Variants in CSMD1 observed in about 807,000 individuals in gnomAD.
CSMD1 encodes CUB and sushi domain-containing protein 1.
In CSMD1, 213 loss-of-function variants were observed where a neutral mutation model predicts 417.5. That is an observed-to-expected ratio of 0.51 (90% confidence interval 0.46 to 0.57). The LOEUF (loss-of-function observed/expected upper bound fraction) is 0.57, where lower values mean the gene tolerates loss of function less well. CSMD1 is among the 20% of genes least tolerant of loss of function. The pLI is 0.00. For missense variants in CSMD1, 6,923 were observed against 4,529.7 expected (o/e 1.53, Z -15.17); for synonymous variants, 2,862 against 1,736.8 (o/e 1.65, Z -16.11).
rs572326883 is a variant in CSMD1 at position 3,604,227 on chromosome 8, G to T, written c.1097+12483C>A. Reference sequence around the variant, plus strand: ...GAATTATGCTTAGTGAAATCAAATTGGAAGCATAGACGTGCATAGAATTTC... The same window carrying T: ...GAATTATGCTTAGTGAAATCAAATTTGAAGCATAGACGTGCATAGAATTTC... On this transcript the variant is annotated intron_variant, in intron 8 of 69. Transcript: ENST00000635120. 9.9e-5 allele frequency among the ~76,000 whole-genome samples: 15 copies of T among 152,212 alleles called. No individual in the cohort carries two copies. The East Asian group carries it at 2.9e-3, about 29-fold the overall frequency.
In CSMD1 at chr8:4,444,927, T is replaced by C. The variant is rs184093427; in HGVS notation, c.303-24862A>G. The stretch of plus-strand genomic sequence containing the variant: ...TCCAGGTCTTACATATTTGCTCCCT[T>C]CTTCATTTACATAAAATAACTGGGA... On this transcript the variant is annotated intron_variant, in intron 2 of 69. Transcript: ENST00000635120. Among the ~76,000 whole-genome samples the C allele has an allele frequency of 1.8e-3, 270 of 152,298 alleles. 1 individual carries two copies. The highest frequency in any genetic ancestry group is 6.3e-3 in the African/African-American group (263 of 41,558).
chr8:4,301,001 C>T (rs769733309), intron 3 of CSMD1, among the ~76,000 whole-genome samples: 7 of 152,042 alleles, frequency 4.6e-5, no homozygotes, highest in Non-Finnish European at 7.4e-5. Flanking sequence ...CATAAGTGTG[C>T]ATGTGTCTTT....
At chr8:4,611,622 C>G (rs1319104157) in intron 2 of CSMD1, among the ~76,000 whole-genome samples, 2 of 152,180 alleles carry the variant, frequency 1.3e-5, no homozygotes, top group Non-Finnish European at 2.9e-5. Context: ...TCTTTAACCT[C>G]CTATAAATGT....
intron 10 of CSMD1, among the ~76,000 whole-genome samples, chr8:3,552,382 G>A (rs912677862): frequency 2.0e-5 from 3 of 151,916 alleles, no homozygotes; most frequent in African/African-American, 7.3e-5. Context: ...ATGACATTTT[G>A]TAAGCATTAC....
chr8:3,562,062 G>A (rs1799489642), intron 10 of CSMD1, among the ~76,000 whole-genome samples: 1 of 151,862 alleles, frequency 6.6e-6, no homozygotes, highest in Admixed American at 6.6e-5. Flanking sequence ...ACACTCTGCA[G>A]GTTTAGAGTA....
intron 11 of CSMD1, among the ~76,000 whole-genome samples, chr8:3,484,104 T>A (rs1204598816): frequency 6.6e-6 from 1 of 152,214 alleles, no homozygotes; most frequent in African/African-American, 2.4e-5. Flanking sequence ...CTTATATAGA[T>A]TGGCACCTGC....
intron 1 of CSMD1, among the ~76,000 whole-genome samples, chr8:4,784,262 G>T (rs1797294347): frequency 6.6e-6 from 1 of 152,168 alleles, no homozygotes; most frequent in East Asian, 1.9e-4. Context: ...CAAGTAAACA[G>T]GCTTTACCTT....
chr8:4,720,476 G>C (rs1808980985), intron 1 of CSMD1, among the ~76,000 whole-genome samples: 1 of 152,100 alleles, frequency 6.6e-6, no homozygotes, highest in African/African-American at 2.4e-5. Flanking sequence ...GGAGTGCAGA[G>C]GCATGATCTC....
intron 3 of CSMD1, among the ~76,000 whole-genome samples, chr8:4,317,361 T>C (rs201299511): frequency 1.8e-4 from 28 of 152,230 alleles, no homozygotes; most frequent in Non-Finnish European, 3.8e-4. Flanking sequence ...GTCTGTGTTA[T>C]AAGCTGTGGC....
intron 26 of CSMD1, among the ~76,000 whole-genome samples, chr8:3,245,571 A>G (rs1563181237): frequency 6.6e-6 from 1 of 152,216 alleles, no homozygotes; most frequent in Non-Finnish European, 1.5e-5. Flanking sequence ...GAAATGCATC[A>G]TCAAGGAAGG....
intron 3 of CSMD1, among the ~76,000 whole-genome samples, chr8:4,320,308 A>G (rs1799196663): frequency 6.6e-6 from 1 of 152,208 alleles, no homozygotes; most frequent in Non-Finnish European, 1.5e-5. Context: ...TCACCTTATA[A>G]TACCTTCAGG....
In CSMD1 at chr8:4,091,119, A is replaced by G. The variant is rs1049575161; in HGVS notation, c.416-59020T>C. Among the ~76,000 whole-genome samples the G allele has an allele frequency of 2.6e-5, 4 of 151,968 alleles. No homozygotes were observed. In the South Asian group the frequency reaches 6.2e-4, roughly 24 times the overall value. On this transcript the variant is annotated intron_variant, in intron 3 of 69. Transcript: ENST00000635120. Reference sequence around the variant, plus strand: ...ATTTTAGTAGAGATGGGGTTTCACCATTTTGGCCAGGCTGGTCTCGAATTC... The same window carrying G: ...ATTTTAGTAGAGATGGGGTTTCACCGTTTTGGCCAGGCTGGTCTCGAATTC...
At chr8:4,223,565 G>A (rs1199416836) in intron 3 of CSMD1, among the ~76,000 whole-genome samples, 1 of 152,216 alleles carries the variant, frequency 6.6e-6, no homozygotes, top group Non-Finnish European at 1.5e-5. Context: ...TGCAAGGCAG[G>A]ACCTGTGTCA....
chr8:4,669,950 G>C (rs980745099), intron 1 of CSMD1, among the ~76,000 whole-genome samples: 22 of 152,258 alleles, frequency 1.4e-4, no homozygotes, highest in African/African-American at 5.1e-4. Context: ...TGAGTTTCAT[G>C]TTTTATGAGG....
chr8:3,292,730 T>G (rs7387556), intron 25 of CSMD1, among the ~76,000 whole-genome samples: 6,915 of 152,212 alleles, frequency 0.045, 233 homozygotes, highest in Admixed American at 0.094. Context: ...CTCTGCAAGT[T>G]AGATGGGTTT....
chr8:4,323,242 A>G (rs916186976), intron 3 of CSMD1, among the ~76,000 whole-genome samples: 1 of 152,182 alleles, frequency 6.6e-6, no homozygotes, highest in South Asian at 2.1e-4. Context: ...GGCATTATGT[A>G]TAAGCAATTT....
chr8:2,968,556 G>A (rs979602654), intron 57 of CSMD1, among the ~76,000 whole-genome samples: 60 of 152,116 alleles, frequency 3.9e-4, no homozygotes, highest in Non-Finnish European at 7.9e-4. Flanking sequence ...ATTGTACTGT[G>A]GAAAGTAAAA....
Position 3,973,872 on chromosome 8 carries a change from T to A in CSMD1, c.818+24031A>T, listed in dbSNP as rs143462036. 2.8e-4 allele frequency among the ~76,000 whole-genome samples: 42 copies of A among 152,304 alleles called. No individual in the cohort carries two copies. The East Asian group carries it at 7.7e-3, about 28-fold the overall frequency. On this transcript the variant is annotated intron_variant, in intron 5 of 69. Transcript: ENST00000635120. ...AATTTTAAGTGTTTATGGGTAACTA[T>A]GGTAGATGAATATATTGATGGGTTA... is the stretch of plus-strand genomic sequence containing the variant.
At chr8:3,841,094 T>A (rs1275226774) in intron 5 of CSMD1, among the ~76,000 whole-genome samples, 1 of 152,070 alleles carries the variant, frequency 6.6e-6, no homozygotes, top group African/African-American at 2.4e-5. Context: ...AATCAAGTAT[T>A]AAATAGAACT....
Sources: gnomAD v4.1 joint callset for allele counts (sites outside exome capture counted in the v4.1 genomes callset) on GRCh38, gnomAD v4.1.1 for gene constraint, MANE v1.5 for transcripts, NCBI Gene and HGNC (gene_info 2026-07-23, HGNC 2026-07-21) for gene names.